Variants in CAMK1D observed in about 807,000 individuals in gnomAD.
The protein encoded by CAMK1D is calcium/calmodulin dependent protein kinase ID, also known as calcium/calmodulin-dependent protein kinase type 1D.
In CAMK1D, 9 loss-of-function variants were observed where a neutral mutation model predicts 47.7. The ratio of observed to expected loss-of-function variants is 0.19; its 90% CI spans 0.11 to 0.33. CAMK1D has a LOEUF of 0.33. Among genes scored for constraint, CAMK1D ranks in the 10% least tolerant of loss-of-function variants. The pLI is 1.00. For missense variants in CAMK1D, 291 were observed against 488.7 expected (o/e 0.60, Z 3.81); for synonymous variants, 184 against 184.9 (o/e 0.99, Z 0.04).
rs141296264 is a variant in CAMK1D, at chr10:12,627,942, G to T, written c.225-38794G>T. Among the ~76,000 whole-genome samples, 362 of 152,198 alleles carry T rather than the reference G, an allele frequency of 2.4e-3. 4 individuals are homozygous for T. The highest frequency in any genetic ancestry group is 8.3e-3 in the African/African-American group (343 of 41,520). On this transcript the variant is annotated intron_variant, in intron 2 of 10. Transcript: ENST00000619168. ...AAAATACAAAAAAATTTAGCCAGGCGTGGTGGCGCACACCTGTAATCCCGG... is the reference window on the plus strand; with the variant it reads ...AAAATACAAAAAAATTTAGCCAGGCTTGGTGGCGCACACCTGTAATCCCGG...
chr10:12,568,727 A>G (rs942618106), intron 2 of CAMK1D, among the ~76,000 whole-genome samples: 2 of 151,976 alleles, frequency 1.3e-5, no homozygotes, highest in Admixed American at 1.3e-4. Flanking sequence ...AGTGTCTATG[A>G]GTATGCTGCT....
chr10:12,410,494 C>T (rs1839620924), intron 1 of CAMK1D, among the ~76,000 whole-genome samples: 1 of 152,184 alleles, frequency 6.6e-6, no homozygotes, highest in Non-Finnish European at 1.5e-5. Context: ...CTGCTCAAGA[C>T]AGACACAACT....
chr10:12,544,897 G>A (rs1020059317), intron 1 of CAMK1D, among the ~76,000 whole-genome samples: 2 of 152,198 alleles, frequency 1.3e-5, no homozygotes, highest in Non-Finnish European at 2.9e-5. Flanking sequence ...GTGTTGAGTG[G>A]ATGGTACTAG....
chr10:12,791,855 T>C (rs1041235828), intron 6 of CAMK1D, among the ~76,000 whole-genome samples: 9 of 152,244 alleles, frequency 5.9e-5, no homozygotes, highest in Non-Finnish European at 1.2e-4. Context: ...TGCTGGGCCA[T>C]GTGGTAGTTC....
chr10:12,446,772 G>C lies in CAMK1D; in HGVS notation c.92+96862G>C, dbSNP rs78092486. 9.3e-3 allele frequency among the ~76,000 whole-genome samples: 1,415 copies of C among 152,282 alleles called. 17 individuals carry two copies. The highest frequency in any genetic ancestry group is 0.033 in the African/African-American group (1,360 of 41,546). ...ATGCCGGTGATTCCCAAGCCCTTTG[G>C]AGTTAGAACTCTTTGTCCTTGTTGT... is the stretch of plus-strand genomic sequence containing the variant. On this transcript the variant is annotated intron_variant, in intron 1 of 10. Transcript: ENST00000619168.
At chr10:12,690,357 A>G (rs1832829413) in intron 3 of CAMK1D, among the ~76,000 whole-genome samples, 1 of 152,200 alleles carries the variant, frequency 6.6e-6, no homozygotes, top group African/African-American at 2.4e-5. Context: ...AACAATCTGT[A>G]GATTGGAGAG....
At chr10:12,440,439 C>T (rs954187873) in intron 1 of CAMK1D, among the ~76,000 whole-genome samples, 17 of 152,130 alleles carry the variant, frequency 1.1e-4, no homozygotes, top group African/African-American at 4.1e-4. Flanking sequence ...AGGTGGACGC[C>T]ACCACACCTG....
chr10:12,364,976 T>G (rs939017007), intron 1 of CAMK1D, among the ~76,000 whole-genome samples: 1 of 151,604 alleles, frequency 6.6e-6, no homozygotes, highest in Non-Finnish European at 1.5e-5. Flanking sequence ...TTTTTTTTTT[T>G]GAGGTGGAGT....
chr10:12,385,600 G>A (rs1186677460), intron 1 of CAMK1D, among the ~76,000 whole-genome samples: 2 of 152,136 alleles, frequency 1.3e-5, no homozygotes, highest in African/African-American at 4.8e-5. Flanking sequence ...GCTGGGGGTT[G>A]GAAGATAGTT....
intron 1 of CAMK1D, among the ~76,000 whole-genome samples, chr10:12,421,245 G>T (rs576238195): frequency 6.6e-6 from 1 of 152,254 alleles, no homozygotes; most frequent in East Asian, 1.9e-4. Flanking sequence ...CCTGTGTTTT[G>T]CTCTGAGAGC....
intron 2 of CAMK1D, among the ~76,000 whole-genome samples, chr10:12,570,971 A>G (rs917839594): frequency 2.0e-5 from 3 of 151,938 alleles, no homozygotes; most frequent in Non-Finnish European, 4.4e-5. Flanking sequence ...AAGATCCATG[A>G]GGACAGGAGT....
At chr10:12,474,039 G>T (rs1029671732) in intron 1 of CAMK1D, among the ~76,000 whole-genome samples, 1 of 152,098 alleles carries the variant, frequency 6.6e-6, no homozygotes. Flanking sequence ...ACAGGATTTA[G>T]AGTCCCCTTG....
chr10:12,648,940 C>T (rs906573578), intron 2 of CAMK1D, among the ~76,000 whole-genome samples: 2 of 152,154 alleles, frequency 1.3e-5, no homozygotes, highest in African/African-American at 2.4e-5. Context: ...AGCAGTGGTG[C>T]AGTCATAACC....
chr10:12,442,991 C>T (rs919179749), intron 1 of CAMK1D, among the ~76,000 whole-genome samples: 1 of 152,176 alleles, frequency 6.6e-6, no homozygotes. Context: ...TTCTACTTCT[C>T]TTCTCTCACT....
intron 2 of CAMK1D, among the ~76,000 whole-genome samples, chr10:12,583,015 A>T (rs934400266): frequency 6.6e-6 from 1 of 152,208 alleles, no homozygotes; most frequent in Non-Finnish European, 1.5e-5. Flanking sequence ...AGGCTGGAGG[A>T]TCACTTGAGC....
chr10:12,796,998 T>C (rs1170330133), intron 6 of CAMK1D, among the ~76,000 whole-genome samples: 1 of 152,184 alleles, frequency 6.6e-6, no homozygotes, highest in Admixed American at 6.5e-5. Flanking sequence ...TTCTCTCCCC[T>C]ATAGGAAATG....
intron 4 of CAMK1D, among the ~76,000 whole-genome samples, chr10:12,761,557 A>G (rs1836509124): frequency 6.6e-6 from 1 of 152,102 alleles, no homozygotes; most frequent in African/African-American, 2.4e-5. Context: ...GATATAGAAG[A>G]GGGAGAAGAG....
intron 8 of CAMK1D, among the ~76,000 whole-genome samples, chr10:12,816,855 A>G (rs1367757370): frequency 6.7e-6 from 1 of 148,508 alleles, no homozygotes; most frequent in African/African-American, 2.5e-5. Context: ...TTGGGCAACA[A>G]GAGCAAAACT....
At chr10:12,800,222 C>T (rs921949135) in intron 6 of CAMK1D, among the ~76,000 whole-genome samples, 17 of 152,182 alleles carry the variant, frequency 1.1e-4, no homozygotes, top group Admixed American at 2.0e-4. Flanking sequence ...GTTTTTATAA[C>T]GATTCAGGTC....
Sources: gnomAD v4.1 joint callset for allele counts (sites outside exome capture counted in the v4.1 genomes callset) on GRCh38, gnomAD v4.1.1 for gene constraint, MANE v1.5 for transcripts, NCBI Gene and HGNC (gene_info 2026-07-23, HGNC 2026-07-21) for gene names.